NHSL2: variants seen among roughly 807,000 people sequenced by gnomAD.
NHSL2 encodes NHS like 2.
NHSL2 carries 27 observed loss-of-function variants against 53.4 expected under a neutral mutation model. The ratio of observed to expected loss-of-function variants is 0.51; its 90% confidence interval spans 0.37 to 0.70. NHSL2 has a LOEUF of 0.70. NHSL2 is among the 30% of genes least tolerant of loss of function. The pLI is 0.00. For synonymous variants in NHSL2, 408 were observed against 404.1 expected, an observed-to-expected ratio of 1.01 and a Z score of -0.12; for missense variants, 892 against 980.1, an observed-to-expected ratio of 0.91 and a Z score of 1.20.
chrX:72,005,337 A>G (rs1285429703), intron 1 of NHSL2, among the ~76,000 whole-genome samples: 3 of 112,297 alleles, frequency 2.7e-5, no homozygotes, highest in African/African-American at 9.7e-5. Context: ...TGCTGAGATC[A>G]CAGTGGAGAA....
chrX:71,957,329 C>T (rs189715030), intron 1 of NHSL2, among the ~76,000 whole-genome samples: 140 of 112,493 alleles, frequency 1.2e-3, no homozygotes, highest in African/African-American at 3.8e-3. Flanking sequence ...TGCAGTGGCA[C>T]GATCTCGGCT....
At chrX:71,965,566 C>T (rs1434380091) in intron 1 of NHSL2, among the ~76,000 whole-genome samples, 29 of 111,930 alleles carry the variant, frequency 2.6e-4, no homozygotes, top group Non-Finnish European at 1.1e-4. Flanking sequence ...TCTTCTTCTC[C>T]TTCAATATTG....
chrX:71,963,949 C>CTATATATATATGTA (rs1447693800), intron 1 of NHSL2, among the ~76,000 whole-genome samples: 1 of 24,529 alleles, frequency 4.1e-5, no homozygotes, highest in Non-Finnish European at 9.4e-5. Flanking sequence ...GGTGGAGTGG[C>CTATATATATATGTA]TATATATATA....
chrX:71,922,563 G>T (rs2041665066), intron 1 of NHSL2, among the ~76,000 whole-genome samples: 1 of 112,242 alleles, frequency 8.9e-6, no homozygotes, highest in South Asian at 3.8e-4. Flanking sequence ...TGTAGTCCCA[G>T]CTACTTGGGA....
At chrX:72,133,043 G>T (rs2042321715) in intron 2 of NHSL2, among the ~76,000 whole-genome samples, 1 of 112,695 alleles carries the variant, frequency 8.9e-6, no homozygotes, top group African/African-American at 3.2e-5. Context: ...CATGAGCCTT[G>T]TGTTCAGATA....
At chrX:72,049,883 C>A (rs1160275767) in intron 1 of NHSL2, among the ~76,000 whole-genome samples, 1 of 100,684 alleles carries the variant, frequency 9.9e-6, no homozygotes, top group African/African-American at 3.7e-5. Flanking sequence ...TACTGAGCAT[C>A]TAGTATGTAT....
chrX:72,110,724 T>TA (rs56082929), intron 1 of NHSL2, among the ~76,000 whole-genome samples: 4 of 46,776 alleles, frequency 8.6e-5, no homozygotes, highest in African/African-American at 3.3e-4. Context: ...TCCTCCCACC[T>TA]AAAAAAAAAA....
chrX:72,122,850 CA>C (rs1308711626), intron 1 of NHSL2, among the ~76,000 whole-genome samples: 1 of 113,043 alleles, frequency 8.8e-6, no homozygotes, highest in Non-Finnish European at 1.9e-5. Context: ...AGTCAGGTCT[CA>C]GGGGGCCAGT....
At chrX:71,921,082 C>T (rs1434556023) in intron 1 of NHSL2, among the ~76,000 whole-genome samples, 2 of 108,736 alleles carry the variant, frequency 1.8e-5, no homozygotes, top group Non-Finnish European at 3.8e-5. Context: ...GGATTGCAGG[C>T]GTGAGCCACC....
At chrX:72,069,691 T>C (rs1259275113) in intron 1 of NHSL2, 17 of 936,098 alleles carry the variant, frequency 1.8e-5, no homozygotes, top group South Asian at 5.9e-5. Flanking sequence ...AGCAGAATGA[T>C]GGGCAACTCT....
At chrX:71,914,309 T>C (rs1013086579) in intron 1 of NHSL2, among the ~76,000 whole-genome samples, 1 of 112,687 alleles carries the variant, frequency 8.9e-6, no homozygotes, top group Non-Finnish European at 1.9e-5. Context: ...CCTGCCACCA[T>C]ATGCTGAGTC....
At chrX:71,976,157 T>G (rs1299968506) in intron 1 of NHSL2, among the ~76,000 whole-genome samples, 4 of 111,509 alleles carry the variant, frequency 3.6e-5, no homozygotes, top group Admixed American at 9.6e-5. Context: ...CCCCGCCCAG[T>G]CTACTGTATA....
chrX:71,987,918 A>T (rs2042010131), intron 1 of NHSL2, among the ~76,000 whole-genome samples: 1 of 112,097 alleles, frequency 8.9e-6, no homozygotes, highest in African/African-American at 3.2e-5. Flanking sequence ...AAAAGCTTTT[A>T]ACTGCTTGAG....
At chrX:71,957,783 T>A (rs1252206037) in intron 1 of NHSL2, among the ~76,000 whole-genome samples, 1 of 111,074 alleles carries the variant, frequency 9.0e-6, no homozygotes, top group Non-Finnish European at 1.9e-5. Context: ...ATCTGCTGAC[T>A]GACTGAATGA....
In NHSL2 at chrX:72,140,571, C is replaced by T; in HGVS notation, c.3023C>T (p.Pro1008Leu). ...GKIPPPVPKK[P>L]SVLYLPLTSP... ...ATTCCACCTCCCGTACCAAAAAAAC[C>T]CAGCGTGCTGTACCTGCCTCTCACT... The change falls in exon 6 of 8, where the codon CCC becomes CTC. Residue 1008 changes from proline to leucine, a missense_variant. Physicochemically the swap from Pro to Leu is moderately conservative, Grantham distance 98 (BLOSUM62 -3). Coordinates refer to ENST00000633930, the MANE Select transcript of NHSL2 (RefSeq NM_001013627.3). The T allele has an allele frequency of 8.3e-7, 1 of 1,211,423 alleles. No homozygotes were observed. Among genetic ancestry groups the T allele is most frequent in the Non-Finnish European group, 1.1e-6 (1 of 895,112 alleles).
chrX:72,101,742 A>T, intron 1 of NHSL2, among the ~76,000 whole-genome samples: 1 of 110,535 alleles, frequency 9.0e-6, no homozygotes, highest in Non-Finnish European at 1.9e-5. Context: ...GTGGAACACC[A>T]GCATTCCTTT....
chrX:72,087,050 G>A (rs1379051116), intron 1 of NHSL2, among the ~76,000 whole-genome samples: 2 of 111,784 alleles, frequency 1.8e-5, no homozygotes, highest in Non-Finnish European at 3.8e-5. Flanking sequence ...CCCAGCCTGG[G>A]GGGTCTGACC....
chrX:72,107,616 G>A (rs1194643726), intron 1 of NHSL2, among the ~76,000 whole-genome samples: 4 of 112,026 alleles, frequency 3.6e-5, no homozygotes, highest in Non-Finnish European at 5.6e-5. Context: ...TGGGGAGGAC[G>A]ACTCATGTGC....
chrX:72,018,976 C>T (rs1358515761), intron 1 of NHSL2, among the ~76,000 whole-genome samples: 1 of 113,079 alleles, frequency 8.8e-6, no homozygotes, highest in Non-Finnish European at 1.9e-5. Context: ...GGGGCCGACA[C>T]GGCCCCTACT....
Sources: gnomAD v4.1 joint callset for allele counts (sites outside exome capture counted in the v4.1 genomes callset) on GRCh38, gnomAD v4.1.1 for gene constraint, MANE v1.5 for transcripts, NCBI Gene and HGNC (gene_info 2026-07-23, HGNC 2026-07-21) for gene names.